Variants in ABCA12 observed in about 807,000 individuals in gnomAD.
ABCA12 encodes the protein glucosylceramide transporter ABCA12.
Under a neutral mutation model 293.5 loss-of-function variants are expected in ABCA12, and 156 were observed. The observed-to-expected ratio is 0.53, with a 90% confidence interval of 0.47 to 0.61. The LOEUF (loss-of-function observed/expected upper bound fraction) is 0.61, where lower values mean the gene tolerates loss of function less well. Among genes scored for constraint, ABCA12 ranks in the 20% least tolerant of loss-of-function variants. ABCA12 has a pLI of 0.00. For synonymous variants in ABCA12, 1,063 were observed against 1,108.0 expected, an observed-to-expected ratio of 0.96 and a Z score of 0.81; for missense variants, 2,797 against 3,090.2, an observed-to-expected ratio of 0.91 and a Z score of 2.25.
At chr2:215,126,114 T>A (rs550982696) in intron 1 of ABCA12, among the ~76,000 whole-genome samples, 2 of 152,330 alleles carry the variant, frequency 1.3e-5, no homozygotes, top group South Asian at 4.1e-4. Flanking sequence ...CTTGCATATG[T>A]TAAACCATCC....
chr2:214,991,180 T>C lies in ABCA12; in HGVS notation c.3295-149A>G, dbSNP rs150830656. ...TTTACATAAATCAAGAATTTATCCA[T>C]GCTTGCTATGTGAAATATGCCTATA... is the stretch of plus-strand genomic sequence containing the variant. On this transcript the variant is annotated intron_variant, in intron 23 of 52. Coordinates refer to ENST00000272895, the MANE Select transcript of ABCA12 (RefSeq NM_173076.3). 2.4e-3 allele frequency: 1,774 copies of C among 741,498 alleles called. 15 individuals carry two copies. Among genetic ancestry groups the C allele is most frequent in the East Asian group, 0.014 (510 of 37,264 alleles). 45.9% of individuals were successfully genotyped at this position (741,498 alleles called of 1,614,324 possible).
At chr2:215,112,506 T>TC (rs1491055607) in intron 1 of ABCA12, among the ~76,000 whole-genome samples, 1 of 69,860 alleles carries the variant, frequency 1.4e-5, no homozygotes, top group South Asian at 5.9e-4. Flanking sequence ...TGTTTTTTTT[T>TC]GTTTTTTTTT....
In ABCA12 at chr2:214,982,250, A is replaced by T. The variant is rs959959195; in HGVS notation, c.4516T>A (p.Ser1506Thr). The change falls in exon 30 of 53, where the codon TCT becomes ACT. Residue 1506 changes from serine to threonine, a missense_variant. This residue lies in a region of ABCA12 where 2,130 missense variants were observed against 2,427.0 expected (regional missense o/e 0.88). Transcript: ENST00000272895. ...GSRVVILDEP[S>T]TGVDPCSRRS... ...CGAGAACATGGGTCAACTCCAGTAG[A>T]TGGTTCATCCAAAATTACTACCCTT... 1 of 1,614,066 alleles carries T rather than the reference A, an allele frequency of 6.2e-7. No homozygotes were observed. The highest frequency in any genetic ancestry group is 8.5e-7 in the Non-Finnish European group (1 of 1,179,998).
chr2:215,062,085 A>G (rs1049694685), intron 3 of ABCA12, among the ~76,000 whole-genome samples: 5 of 152,014 alleles, frequency 3.3e-5, no homozygotes, highest in African/African-American at 1.2e-4. Context: ...TTACCTGATT[A>G]CCCTAGCTGA....
At position 215,112,350 on chromosome 2, in the gene ABCA12, T is replaced by G. The variant is rs1437873660; in HGVS notation, c.70-660A>C. 6.7e-5 allele frequency among the ~76,000 whole-genome samples: 10 copies of G among 150,180 alleles called. No individual in the cohort carries two copies. The East Asian group carries it at 1.9e-3, about 29-fold the overall frequency. On this transcript the variant is annotated intron_variant, in intron 1 of 52. Coordinates refer to ENST00000272895, the MANE Select transcript of ABCA12 (RefSeq NM_173076.3). The stretch of plus-strand genomic sequence containing the variant: ...AGTCAATGATTTTTTTTTTTTTTTT[T>G]TGCCCAGTTCCCAAATAAACTGGAC...
chr2:215,089,509 T>G (rs1386149355), intron 2 of ABCA12, among the ~76,000 whole-genome samples: 1 of 152,228 alleles, frequency 6.6e-6, no homozygotes, highest in African/African-American at 2.4e-5. Flanking sequence ...GTGATTGCTA[T>G]TTGGTTACTA....
intron 2 of ABCA12, among the ~76,000 whole-genome samples, chr2:215,099,495 C>A (rs1225663994): frequency 1.3e-5 from 2 of 152,098 alleles, no homozygotes; most frequent in East Asian, 1.9e-4. Flanking sequence ...GAGATCGAGA[C>A]CATCCAGGCC....
intron 2 of ABCA12, among the ~76,000 whole-genome samples, chr2:215,068,218 T>TG (rs1701671762): frequency 6.6e-6 from 1 of 152,180 alleles, no homozygotes; most frequent in African/African-American, 2.4e-5. Context: ...ACTCTGGGGA[T>TG]GGGGTTCATC....
intron 2 of ABCA12, among the ~76,000 whole-genome samples, chr2:215,086,889 C>T (rs1461350194): frequency 6.6e-6 from 1 of 151,580 alleles, no homozygotes; most frequent in East Asian, 1.9e-4. Flanking sequence ...GGACAAAGAC[C>T]CACAGAACTT....
At position 215,001,708 on chromosome 2, in the gene ABCA12, T is replaced by C. The variant is rs779270483; in HGVS notation, c.2713A>G (p.Ile905Val). 25 of 1,613,488 alleles carry C rather than the reference T, an allele frequency of 1.5e-5. No individual in the cohort carries two copies. The highest frequency in any genetic ancestry group is 2.1e-5 in the Non-Finnish European group (25 of 1,179,716). Residue 905 changes from isoleucine to valine, a missense_variant, in exon 21 of 53, where the codon ATT (isoleucine) becomes GTT (valine). Transcript: ENST00000272895. ...DILRLKLENN[I>V]DIIDQLNTLS... is the part of the protein sequence containing the mutation. The stretch of plus-strand genomic sequence containing the variant: ...GTGTTAAGCTGATCGATGATGTCAA[T>C]GTTGTTCTCTAATTTCAGTCTTAGA...
chr2:215,118,219 T>C (rs982897274), intron 1 of ABCA12, among the ~76,000 whole-genome samples: 4 of 152,064 alleles, frequency 2.6e-5, no homozygotes, highest in Non-Finnish European at 4.4e-5. Context: ...CTGGCCAACA[T>C]GGTGAAAACC....
Position 214,989,640 on chromosome 2 carries a change from G to A in ABCA12, c.3625-19C>T, listed in dbSNP as rs1699871826. 3 of 1,613,030 alleles carry A rather than the reference G, an allele frequency of 1.9e-6. No homozygotes were observed. In the South Asian group the frequency reaches 3.3e-5, roughly 18 times the overall value. ...GCAGGCTCTGTGAAGAAAGGAAACG[G>A]CAATGATAGTTCTTGTAGATTTCAT... is the stretch of plus-strand genomic sequence containing the variant. On this transcript the variant is annotated intron_variant, in intron 24 of 52. Transcript: ENST00000272895.
intron 41 of ABCA12, among the ~76,000 whole-genome samples, chr2:214,957,420 T>A (rs1465646863): frequency 1.3e-5 from 2 of 152,172 alleles, no homozygotes; most frequent in African/African-American, 4.8e-5. Context: ...GACAACAGAA[T>A]CCTAAAGTAC....
intron 45 of ABCA12, among the ~76,000 whole-genome samples, chr2:214,950,007 G>C (rs554989382): frequency 2.3e-4 from 35 of 152,168 alleles, no homozygotes; most frequent in African/African-American, 8.2e-4. Context: ...CTAACCTTTG[G>C]ATCCAAAGGT....
At chr2:214,941,627 G>T (rs1051040776) in intron 50 of ABCA12, among the ~76,000 whole-genome samples, 1 of 152,022 alleles carries the variant, frequency 6.6e-6, no homozygotes, top group Non-Finnish European at 1.5e-5. Context: ...ATGAATCTCG[G>T]TGCTCCTGTA....
intron 1 of ABCA12, among the ~76,000 whole-genome samples, chr2:215,111,940 C>T (rs1702579075): frequency 6.6e-6 from 1 of 152,134 alleles, no homozygotes; most frequent in Admixed American, 6.5e-5. Flanking sequence ...TTTTGGATCA[C>T]CTCTCATGAC....
intron 5 of ABCA12, 152 bp downstream of exon 5, chr2:215,052,335 T>C (rs1311490773): frequency 9.2e-6 from 6 of 650,872 alleles, no homozygotes; most frequent in Non-Finnish European, 1.1e-5. Context: ...ATTAAGCTGT[T>C]TATTGAAGGG....
Position 214,940,329 on chromosome 2 carries a change from G to A in ABCA12, c.7436+2596C>T, listed in dbSNP as rs180677151. 3.5e-4 allele frequency among the ~76,000 whole-genome samples: 53 copies of A among 152,294 alleles called. No individual in the cohort carries two copies. In the East Asian group the frequency reaches 8.3e-3, roughly 24 times the overall value. ...GAGATGAAGCCGACTTGATCATGGT[G>A]TATAAGCTTTTTGATATGCAGCTGG... On this transcript the variant is annotated intron_variant, in intron 50 of 52. Coordinates refer to ENST00000272895, the MANE Select transcript of ABCA12 (RefSeq NM_173076.3).
At chr2:214,957,155 G>C (rs1212781366) in intron 41 of ABCA12, among the ~76,000 whole-genome samples, 2 of 152,160 alleles carry the variant, frequency 1.3e-5, no homozygotes, top group African/African-American at 4.8e-5. Context: ...TTGAATGCTG[G>C]AACTTTCTCA....
Sources: gnomAD v4.1 joint callset for allele counts (sites outside exome capture counted in the v4.1 genomes callset) on GRCh38, gnomAD v4.1.1 for gene constraint, gnomAD v4.1.1 regional missense constraint, MANE v1.5 for transcripts, NCBI Gene and HGNC (gene_info 2026-07-23, HGNC 2026-07-21) for gene names.